EXOC4: variants seen among roughly 807,000 people sequenced by gnomAD.
EXOC4 encodes exocyst complex component 4, also known as SEC8-like 1.
EXOC4 carries 71 observed loss-of-function variants against 107.2 expected under a neutral mutation model. The observed-to-expected ratio is 0.66, with a 90% CI of 0.55 to 0.81. The LOEUF (loss-of-function observed/expected upper bound fraction) is 0.81. Among genes scored for constraint, EXOC4 ranks in the 30% least tolerant of loss-of-function variants. The pLI, the probability that EXOC4 is intolerant of heterozygous loss-of-function variation, is 0.00. For synonymous variants in EXOC4, 456 were observed against 441.2 expected (o/e 1.03, Z -0.42); for missense variants, 1,108 against 1,189.6 (o/e 0.93, Z 1.01).
intron 9 of EXOC4, among the ~76,000 whole-genome samples, chr7:133,522,144 T>C (rs1264011912): frequency 6.6e-6 from 1 of 152,164 alleles, no homozygotes; most frequent in Non-Finnish European, 1.5e-5. Context: ...TAGTAATACC[T>C]CTTCCAAAAC....
intron 13 of EXOC4, among the ~76,000 whole-genome samples, chr7:133,923,409 C>T (rs560439002): frequency 6.6e-6 from 1 of 152,170 alleles, no homozygotes; most frequent in East Asian, 1.9e-4. Context: ...TTCTAGTTGC[C>T]CCATATCTCA....
intron 9 of EXOC4, among the ~76,000 whole-genome samples, chr7:133,561,139 T>C (rs907455985): frequency 3.3e-5 from 5 of 152,158 alleles, no homozygotes; most frequent in Non-Finnish European, 7.4e-5. Context: ...GAAAGCTGTT[T>C]TAGGGTACCT....
chr7:133,481,404 G>A (rs959743547), intron 9 of EXOC4, among the ~76,000 whole-genome samples: 4 of 151,948 alleles, frequency 2.6e-5, no homozygotes, highest in South Asian at 2.1e-4. Context: ...GTCTTGATGC[G>A]TTGGGCTCAC....
chr7:133,999,109 G>A (rs1017114575), intron 15 of EXOC4, among the ~76,000 whole-genome samples: 2 of 152,158 alleles, frequency 1.3e-5, no homozygotes, highest in African/African-American at 2.4e-5. Flanking sequence ...AGGTAGCAAT[G>A]TCAAAACATC....
At chr7:133,537,708 A>G (rs192362160) in intron 9 of EXOC4, among the ~76,000 whole-genome samples, 3 of 152,322 alleles carry the variant, frequency 2.0e-5, no homozygotes, top group African/African-American at 7.2e-5. Context: ...TTCCTCTGAA[A>G]GTAGTCCAAC....
At chr7:134,085,222 G>T in the EXOC4 span, among the ~76,000 whole-genome samples, 4 of 152,008 alleles carry the variant, frequency 2.6e-5, no homozygotes, top group East Asian at 7.7e-4. Flanking sequence ...ATCATAACTG[G>T]TAATTGCAGC....
At chr7:133,652,436 A>G (rs1404117356) in intron 10 of EXOC4, among the ~76,000 whole-genome samples, 3 of 126,264 alleles carry the variant, frequency 2.4e-5, no homozygotes, top group East Asian at 5.5e-4. Flanking sequence ...AAACACAGCA[A>G]TATTTTTTTT....
chr7:133,541,909 T>C (rs1800388265), intron 9 of EXOC4, among the ~76,000 whole-genome samples: 1 of 152,088 alleles, frequency 6.6e-6, no homozygotes. Context: ...GGGGTGGGTG[T>C]CCAGTGAGGA....
intron 13 of EXOC4, among the ~76,000 whole-genome samples, chr7:133,926,066 AAAAG>A (rs1403062460): frequency 6.6e-6 from 1 of 150,746 alleles, no homozygotes; most frequent in Non-Finnish European, 1.5e-5. Flanking sequence ...AAAAAAGAAG[AAAAG>A]AACTAAGATC....
chr7:133,830,178 C>T (rs1797779834), intron 11 of EXOC4, among the ~76,000 whole-genome samples: 1 of 152,224 alleles, frequency 6.6e-6, no homozygotes, highest in African/African-American at 2.4e-5. Flanking sequence ...ACCACAGGAG[C>T]TTAATTGCTT....
intron 17 of EXOC4, among the ~76,000 whole-genome samples, chr7:134,029,141 A>T (rs1021199212): frequency 4.6e-5 from 7 of 152,348 alleles, no homozygotes; most frequent in Non-Finnish European, 8.8e-5. Flanking sequence ...ACGTACCCTC[A>T]GTATCCAAAA....
At chr7:133,684,335 T>C (rs1160360413) in intron 10 of EXOC4, among the ~76,000 whole-genome samples, 1 of 152,172 alleles carries the variant, frequency 6.6e-6, no homozygotes, top group Non-Finnish European at 1.5e-5. Flanking sequence ...AAATTGATGG[T>C]TTAAATATTA....
intron 14 of EXOC4, among the ~76,000 whole-genome samples, chr7:133,968,040 ATAGT>A (rs1801112285): frequency 6.6e-6 from 1 of 152,128 alleles, no homozygotes; most frequent in Non-Finnish European, 1.5e-5. Context: ...TATATTTAGG[ATAGT>A]TAGCTCTTCT....
intron 14 of EXOC4, among the ~76,000 whole-genome samples, chr7:133,979,737 G>A (rs1242722279): frequency 6.6e-6 from 1 of 151,814 alleles, no homozygotes; most frequent in Non-Finnish European, 1.5e-5. Context: ...GCAGTGAGCC[G>A]AGATCGCACC....
chr7:133,766,675 C>G (rs912419999), intron 10 of EXOC4, among the ~76,000 whole-genome samples: 29 of 151,970 alleles, frequency 1.9e-4, no homozygotes, highest in African/African-American at 7.0e-4. Context: ...TCCAAACTTC[C>G]TGATCACCTA....
chr7:133,808,781 T>C (rs1165175018), intron 10 of EXOC4, among the ~76,000 whole-genome samples: 3 of 152,116 alleles, frequency 2.0e-5, no homozygotes, highest in African/African-American at 7.2e-5. Context: ...TTTTTACATA[T>C]AAATCTACCA....
intron 7 of EXOC4, among the ~76,000 whole-genome samples, chr7:133,427,605 G>T (rs956849617): frequency 1.3e-5 from 2 of 152,218 alleles, no homozygotes; most frequent in African/African-American, 4.8e-5. Flanking sequence ...CTACAAGTGC[G>T]TTGGGGTGCA....
intron 5 of EXOC4, among the ~76,000 whole-genome samples, chr7:133,354,395 A>T (rs926023508): frequency 5.9e-5 from 9 of 152,190 alleles, no homozygotes; most frequent in Non-Finnish European, 8.8e-5. Context: ...CTCCTCAAAT[A>T]AAGCTTTTCT....
intron 3 of EXOC4, among the ~76,000 whole-genome samples, chr7:133,297,235 G>T (rs557960513): frequency 2.0e-5 from 3 of 152,306 alleles, no homozygotes; most frequent in African/African-American, 7.2e-5. Context: ...AATCGGTTTA[G>T]TAGTTAAATG....
Sources: gnomAD v4.1 joint callset for allele counts (sites outside exome capture counted in the v4.1 genomes callset) on GRCh38, gnomAD v4.1.1 for gene constraint, MANE v1.5 for transcripts, NCBI Gene and HGNC (gene_info 2026-07-23, HGNC 2026-07-21) for gene names.